DHCR24: variants seen among roughly 807,000 people sequenced by gnomAD.
The protein encoded by DHCR24 is delta(24)-sterol reductase.
A neutral mutation model predicts 61.2 loss-of-function variants in DHCR24; 28 were observed. The ratio of observed to expected loss-of-function variants is 0.46; its 90% CI spans 0.34 to 0.63. The LOEUF is 0.63. Among genes scored for constraint, DHCR24 ranks in the 20% least tolerant of loss-of-function variants. The probability of loss-of-function intolerance (pLI) is 0.01; values close to 1 mark genes in which losing one functional copy is unlikely to be tolerated. For synonymous variants in DHCR24, 261 were observed against 275.9 expected, an observed-to-expected ratio of 0.95 and a Z score of 0.54; for missense variants, 538 against 679.1, an observed-to-expected ratio of 0.79 and a Z score of 2.31.
chr1:54,873,274 CAT>C (rs1647009061), intron 4 of DHCR24, among the ~76,000 whole-genome samples: 2 of 152,258 alleles, frequency 1.3e-5, no homozygotes, highest in South Asian at 4.1e-4. Context: ...ATGTCATACT[CAT>C]GTGTTTATGG....
intron 6 of DHCR24, 133 bp from the exon 7 acceptor site, chr1:54,854,367 A>T (rs559169714): frequency 2.7e-6 from 2 of 737,960 alleles, no homozygotes; most frequent in South Asian, 1.8e-5. Context: ...CCCTCTTTGG[A>T]GGGGGTGTGA....
chr1:54,875,318 G>C, intron 3 of DHCR24, 107 bp from the exon 4 acceptor site: 1 of 914,246 alleles, frequency 1.1e-6, no homozygotes, highest in Non-Finnish European at 1.8e-6. Flanking sequence ...TGGCAGGCTA[G>C]CAGAAATGGG....
chr1:54,876,914 G>A (rs1647036706), intron 2 of DHCR24, among the ~76,000 whole-genome samples: 1 of 151,748 alleles, frequency 6.6e-6, no homozygotes, highest in Non-Finnish European at 1.5e-5. Context: ...CACATTTTAG[G>A]GAGACAGAAC....
chr1:54,873,840 G>A (rs1391637820), intron 4 of DHCR24, among the ~76,000 whole-genome samples: 3 of 152,208 alleles, frequency 2.0e-5, no homozygotes, highest in Admixed American at 2.0e-4. Context: ...TGTAGACCAT[G>A]TTGTAGGCCA....
intron 1 of DHCR24, among the ~76,000 whole-genome samples, chr1:54,886,159 C>T (rs1015903029): frequency 6.6e-6 from 1 of 152,148 alleles, no homozygotes; most frequent in Non-Finnish European, 1.5e-5. Context: ...AGAAACTGCC[C>T]AAGTCCCTGG....
chr1:54,877,525 G>A (rs1647040500), intron 2 of DHCR24, among the ~76,000 whole-genome samples: 1 of 151,794 alleles, frequency 6.6e-6, no homozygotes, highest in Admixed American at 6.5e-5. Context: ...GAGCTCTGAG[G>A]CGGGAGGACT....
intron 2 of DHCR24, among the ~76,000 whole-genome samples, chr1:54,882,834 G>A (rs1234281387): frequency 6.6e-6 from 1 of 152,132 alleles, no homozygotes; most frequent in Non-Finnish European, 1.5e-5. Flanking sequence ...TAAGGCTGTG[G>A]GGGGCGGGTA....
intron 5 of DHCR24, among the ~76,000 whole-genome samples, chr1:54,868,126 T>C (rs1239789105): frequency 6.6e-6 from 1 of 152,204 alleles, no homozygotes; most frequent in African/African-American, 2.4e-5. Context: ...AGGTATAGAT[T>C]AAGAGTCTTA....
chr1:54,863,472 C>T (rs1226455389), intron 6 of DHCR24, among the ~76,000 whole-genome samples: 2 of 152,206 alleles, frequency 1.3e-5, no homozygotes, highest in Non-Finnish European at 2.9e-5. Flanking sequence ...TCAGCGTGGG[C>T]ATGCTGGCTC....
intron 4 of DHCR24, among the ~76,000 whole-genome samples, chr1:54,874,453 A>AC (rs761276988): frequency 2.6e-5 from 4 of 152,250 alleles, no homozygotes; most frequent in Non-Finnish European, 4.4e-5. Flanking sequence ...TGAGCACAGT[A>AC]CCATGCTGTA....
At position 54,851,319 on chromosome 1, in the gene DHCR24, C is replaced by G. The variant is rs140759061; in HGVS notation, c.*914G>C. 6.6e-6 allele frequency: 1 copy of G among 152,666 alleles called. No homozygotes were observed. The highest frequency in any genetic ancestry group is 2.4e-5 in the African/African-American group (1 of 41,432). The allele number at this position is 152,666 out of a possible 1,614,324, so 9.5% of individuals were successfully genotyped here. A position where few individuals can be genotyped will look rare whatever the true frequency, so the allele number is the denominator to read the frequency against. ...CTCCCCAGCCCCTGCTGCAGAGCAG[C>G]GCGGACCCACTCCCACCAAGACAAA... On this transcript the variant is annotated 3_prime_UTR_variant, in exon 9 of 9. Transcript: ENST00000371269.
Position 54,883,858 on chromosome 1 carries a change from G to A in DHCR24, c.232-85C>T, listed in dbSNP as rs904773179. The A allele has an allele frequency of 1.3e-5, 21 of 1,568,812 alleles. No individual in the cohort carries two copies. In the African/African-American group the frequency reaches 2.0e-4, roughly 15 times the overall value. On this transcript the variant is annotated intron_variant, in intron 1 of 8. Coordinates refer to ENST00000371269, the MANE Select transcript of DHCR24 (RefSeq NM_014762.4). The surrounding 1 kb of genome is among the most constrained non-coding windows in gnomAD (Gnocchi z 4.3). ...GCCCTGCTTTCTTCAAGGGCGAGCT[G>A]GGAATGATGCCTCCATCAGGCACTG...
chr1:54,870,586 T>C (rs1646993321), intron 5 of DHCR24, among the ~76,000 whole-genome samples: 1 of 152,240 alleles, frequency 6.6e-6, no homozygotes, highest in Admixed American at 6.5e-5. Context: ...TAATACAATG[T>C]AAATGCTATG....
At position 54,871,411 on chromosome 1, in the gene DHCR24, T is replaced by C. The variant is rs201021800; in HGVS notation, c.815A>G (p.Tyr272Cys). The C allele has an allele frequency of 1.2e-6, 2 of 1,613,892 alleles. No homozygotes were observed. The highest frequency in any genetic ancestry group is 1.7e-5 in the Admixed American group (1 of 59,998). The stretch of plus-strand genomic sequence containing the variant: ...CATAATGACAGCCTCATCCAGGGAG[T>C]AGAGCAGCCCTTCCACGAAGTGGTT... ...QENHFVEGLLYSLDEAVIMTG... is the reference protein window; with the variant it reads ...QENHFVEGLLCSLDEAVIMTG... The change falls in exon 5 of 9, where the codon TAC becomes TGC. Residue 272 changes from tyrosine to cysteine, a missense_variant. Coordinates refer to ENST00000371269, the MANE Select transcript of DHCR24 (RefSeq NM_014762.4).
chr1:54,858,428 T>A (rs1646919150), intron 6 of DHCR24, among the ~76,000 whole-genome samples: 1 of 152,206 alleles, frequency 6.6e-6, no homozygotes, highest in African/African-American at 2.4e-5. Context: ...ACTTCCCTAC[T>A]ACCACACAAT....
intron 1 of DHCR24, 170 bp downstream of exon 1, chr1:54,886,718 GC>G: frequency 1.7e-6 from 2 of 1,196,880 alleles, no homozygotes; most frequent in Non-Finnish European, 2.1e-6. Context: ...CTGTTCCCCC[GC>G]CCCCATCACA....
chr1:54,886,830 G>C (rs922593537), intron 1 of DHCR24, 59 bp downstream of exon 1: 1 of 1,491,254 alleles, frequency 6.7e-7, no homozygotes, highest in East Asian at 2.7e-5. Context: ...CTCGCGTCCC[G>C]CTATCCCCGC....
intron 5 of DHCR24, among the ~76,000 whole-genome samples, chr1:54,869,740 A>G (rs1646987521): frequency 6.6e-6 from 1 of 152,044 alleles, no homozygotes; most frequent in Admixed American, 6.6e-5. Flanking sequence ...CATCCCTACA[A>G]AAAAATTTTA....
chr1:54,876,120 A>C (rs2101573312), intron 2 of DHCR24, 73 bp from the exon 3 acceptor site: 2 of 1,189,094 alleles, frequency 1.7e-6, no homozygotes, highest in Non-Finnish European at 2.5e-6. Context: ...TGCACACAGA[A>C]GGTGTCATCT....
Sources: allele counts gnomAD v4.1 joint callset (sites outside exome capture counted in the v4.1 genomes callset), GRCh38; gene constraint gnomAD v4.1.1; non-coding constraint Gnocchi (gnomAD v3.1); transcripts MANE v1.5; gene names NCBI Gene and HGNC (gene_info 2026-07-23, HGNC 2026-07-21).